KIF11: variants seen among roughly 807,000 people sequenced by gnomAD.
The protein encoded by KIF11 is kinesin family member 11.
A neutral mutation model predicts 121.0 loss-of-function variants in KIF11; 9 were observed. That is an observed-to-expected ratio of 0.07 (90% CI 0.04 to 0.13). The LOEUF (loss-of-function observed/expected upper bound fraction) is 0.13, where lower values mean the gene tolerates loss of function less well. Among genes scored for constraint, KIF11 ranks in the 10% least tolerant of loss-of-function variants. The pLI is 1.00. For missense variants in KIF11, 846 were observed against 1,217.5 expected (o/e 0.69, Z 4.54); for synonymous variants, 408 against 421.0 (o/e 0.97, Z 0.38).
chr10:92,648,203 C>T lies in KIF11; in HGVS notation c.2548-9C>T, dbSNP rs1280441938. ...TTTAGTAATAAATATTTATTTGCAT[C>T]ATTTACAGGTTGTAAGCCAATGTTG... On this transcript the variant is annotated splice_polypyrimidine_tract_variant and intron_variant, in intron 18 of 21. Transcript: ENST00000260731. The T allele has an allele frequency of 3.3e-6, 5 of 1,522,638 alleles. No homozygotes were observed. The highest frequency in any genetic ancestry group is 2.0e-5 in the Admixed American group (1 of 49,662). 94.3% of individuals were successfully genotyped at this position (1,522,638 alleles called of 1,614,324 possible).
chr10:92,628,903 C>T lies in KIF11; in HGVS notation c.1305+8C>T, dbSNP rs779720184. On this transcript the variant is annotated splice_region_variant and intron_variant, in intron 11 of 21. Coordinates refer to ENST00000260731, the MANE Select transcript of KIF11 (RefSeq NM_004523.4). ...GAGGAGGAGCTGAATAGGGTAAGCA[C>T]TTAAAATGATATTTACTGTTATGTG... 4.2e-6 allele frequency: 6 copies of T among 1,413,898 alleles called. No homozygotes were observed. The highest frequency in any genetic ancestry group is 5.9e-6 in the Non-Finnish European group (6 of 1,010,242). 87.6% of individuals were successfully genotyped at this position (1,413,898 alleles called of 1,614,324 possible).
Position 92,613,198 on chromosome 10 carries a change from C to A in KIF11, c.789+68C>A. ...TTATAGAGCAGCTTGAAATTTTGTCCTTGAGACAAAATTTTTGTGGTCACT... is the reference window on the plus strand; with the variant it reads ...TTATAGAGCAGCTTGAAATTTTGTCATTGAGACAAAATTTTTGTGGTCACT... On this transcript the variant is annotated intron_variant, in intron 7 of 21. Coordinates refer to ENST00000260731, the MANE Select transcript of KIF11 (RefSeq NM_004523.4). This position sits in a 1 kb window ranked among gnomAD's most constrained non-coding sequence, Gnocchi z 4.2. 1 of 1,312,578 alleles carries A rather than the reference C, an allele frequency of 7.6e-7. No individual in the cohort carries two copies. The highest frequency in any genetic ancestry group is 1.1e-6 in the Non-Finnish European group (1 of 943,122). 81.3% of individuals were successfully genotyped at this position (1,312,578 alleles called of 1,614,324 possible).
chr10:92,627,596 C>A (rs573975451), intron 10 of KIF11, among the ~76,000 whole-genome samples: 1 of 151,798 alleles, frequency 6.6e-6, no homozygotes, highest in African/African-American at 2.4e-5. Flanking sequence ...CCTTTGGGAT[C>A]TTTTTTTTCC....
chr10:92,649,071 G>A (rs1844952332), intron 19 of KIF11, among the ~76,000 whole-genome samples: 1 of 151,748 alleles, frequency 6.6e-6, no homozygotes. Context: ...CCACTGAATT[G>A]TACACATAAA....
intron 9 of KIF11, among the ~76,000 whole-genome samples, chr10:92,617,973 C>T (rs764130993): frequency 2.0e-5 from 3 of 152,056 alleles, no homozygotes; most frequent in South Asian, 2.1e-4. Flanking sequence ...CTCCTGACCT[C>T]GTAATCTGCC....
intron 18 of KIF11, 76 bp from the exon 19 acceptor site, chr10:92,648,135 TA>T: frequency 1.1e-6 from 1 of 943,744 alleles, no homozygotes; most frequent in Non-Finnish European, 1.5e-6. Flanking sequence ...ATGGAAAAGG[TA>T]AGGGAAAATA....
chr10:92,597,950 A>ATT (rs112204932), intron 1 of KIF11, among the ~76,000 whole-genome samples: 17 of 148,280 alleles, frequency 1.1e-4, no homozygotes, highest in African/African-American at 3.5e-4. Flanking sequence ...TGCCTGGGCT[A>ATT]TTTTTTTTTT....
At chr10:92,620,425 T>C (rs1026370446) in intron 9 of KIF11, among the ~76,000 whole-genome samples, 2 of 152,174 alleles carry the variant, frequency 1.3e-5, no homozygotes, top group Non-Finnish European at 2.9e-5. Context: ...GCTTGATTAA[T>C]TTCCTTTATT....
chr10:92,605,956 T>G (rs889821912), intron 1 of KIF11, among the ~76,000 whole-genome samples: 1 of 152,168 alleles, frequency 6.6e-6, no homozygotes, highest in African/African-American at 2.4e-5. Context: ...GACCAGCCTG[T>G]GCAACACAGC....
At chr10:92,606,126 C>T in intron 1 of KIF11, 139 bp from the exon 2 acceptor site, 1 of 622,292 alleles carries the variant, frequency 1.6e-6, no homozygotes, top group Non-Finnish European at 2.6e-6. Context: ...AGCAATATCA[C>T]TTAGTCCTGA....
intron 1 of KIF11, among the ~76,000 whole-genome samples, chr10:92,593,762 G>C (rs1035624707): frequency 6.6e-6 from 1 of 152,128 alleles, no homozygotes; most frequent in African/African-American, 2.4e-5. Flanking sequence ...AAGTAAGACT[G>C]AATACCTATT....
chr10:92,632,711 T>C lies in KIF11; in HGVS notation c.1702+18T>C. 1 of 1,497,590 alleles carries C rather than the reference T, an allele frequency of 6.7e-7. No individual in the cohort carries two copies. The highest frequency in any genetic ancestry group is 9.1e-7 in the Non-Finnish European group (1 of 1,099,766). 92.8% of individuals were successfully genotyped at this position (1,497,590 alleles called of 1,614,324 possible). On this transcript the variant is annotated intron_variant, in intron 13 of 21. Transcript: ENST00000260731. Reference sequence around the variant, plus strand: ...CTTATTTGGTAAGTTCAGGCTGTTCTGTTCTAGTCTTGATGTGTTAAGTGT... The same window carrying C: ...CTTATTTGGTAAGTTCAGGCTGTTCCGTTCTAGTCTTGATGTGTTAAGTGT...
chr10:92,635,941 T>C (rs1844790380), intron 14 of KIF11, among the ~76,000 whole-genome samples: 1 of 152,264 alleles, frequency 6.6e-6, no homozygotes, highest in African/African-American at 2.4e-5. Flanking sequence ...TATAAGTATT[T>C]ACTAATGTAT....
chr10:92,606,979 G>T (rs1288844886), intron 3 of KIF11, among the ~76,000 whole-genome samples, 180 bp from the exon 4 acceptor site: 1 of 152,130 alleles, frequency 6.6e-6, no homozygotes, highest in Non-Finnish European at 1.5e-5. Context: ...GTTTCACTGT[G>T]TTGGCCAGGC....
intron 1 of KIF11, among the ~76,000 whole-genome samples, chr10:92,602,807 A>AACACACACAC (rs112100552): frequency 7.3e-6 from 1 of 137,902 alleles, no homozygotes; most frequent in South Asian, 2.5e-4. Context: ...TGGTTACTTA[A>AACACACACAC]ACACACACAC....
chr10:92,631,017 G>T (rs1476683242), intron 12 of KIF11, among the ~76,000 whole-genome samples: 1 of 151,788 alleles, frequency 6.6e-6, no homozygotes, highest in Non-Finnish European at 1.5e-5. Flanking sequence ...CAGGCATGGT[G>T]GCTCACGCCT....
At chr10:92,622,121 C>G (rs1844623766) in intron 10 of KIF11, among the ~76,000 whole-genome samples, 1 of 151,762 alleles carries the variant, frequency 6.6e-6, no homozygotes, top group Non-Finnish European at 1.5e-5. Context: ...ACTAAAAACA[C>G]AAAATTACCC....
chr10:92,627,182 G>T (rs1844689120), intron 10 of KIF11, among the ~76,000 whole-genome samples: 2 of 152,178 alleles, frequency 1.3e-5, no homozygotes, highest in South Asian at 4.1e-4. Flanking sequence ...TAGCTAATAC[G>T]TTAAGGGAAT....
Position 92,647,607 on chromosome 10 carries a change from A to G in KIF11, c.2548-605A>G, listed in dbSNP as rs75416322. Among the ~76,000 whole-genome samples the G allele has an allele frequency of 1.3e-3, 191 of 152,306 alleles. 3 individuals are homozygous for G. The East Asian group carries it at 0.032, about 26-fold the overall frequency. ...CCTTTTTAGATGTGATAGTGGTCTT[A>G]AAGTGCTCTTACCTCTTAGAGATAC... On this transcript the variant is annotated intron_variant, in intron 18 of 21. Coordinates refer to ENST00000260731, the MANE Select transcript of KIF11 (RefSeq NM_004523.4).
Sources: gnomAD v4.1 joint callset for allele counts (sites outside exome capture counted in the v4.1 genomes callset) on GRCh38, gnomAD v4.1.1 for gene constraint, Gnocchi (gnomAD v3.1) non-coding constraint, MANE v1.5 for transcripts, NCBI Gene and HGNC (gene_info 2026-07-23, HGNC 2026-07-21) for gene names.